The following CIT variants were observed in gnomAD, a reference collection of about 807,000 sequenced individuals.
The protein encoded by CIT is citron rho-interacting serine/threonine kinase.
Under a neutral mutation model 272.7 loss-of-function variants are expected in CIT, and 79 were observed. That is an observed-to-expected ratio of 0.29 (90% CI 0.24 to 0.35). CIT has a LOEUF of 0.35. CIT is among the 10% of genes least tolerant of loss of function. CIT has a pLI of 1.00. For missense variants in CIT, 1,909 were observed against 2,618.3 expected (o/e 0.73, Z 5.91); for synonymous variants, 948 against 995.6 (o/e 0.95, Z 0.90).
In CIT at chr12:119,784,340, CTTTTGT is replaced by C. The variant is rs1239445600; in HGVS notation, c.1402-295_1402-290del. The C allele has an allele frequency of 5.1e-6, 7 of 1,383,392 alleles. No homozygotes were observed. Among genetic ancestry groups the C allele is most frequent in the South Asian group, 2.6e-5 (2 of 78,378 alleles). The allele number at this position is 1,383,392 out of a possible 1,614,324, so 85.7% of individuals were successfully genotyped here. On this transcript the variant is annotated intron_variant, in intron 11 of 47. Transcript: ENST00000392521. The surrounding 1 kb of genome is among the most constrained non-coding windows in gnomAD (Gnocchi z 4.7). Reference sequence around the variant, plus strand: ...ACAATCATCATTTTTCACCTGTTTGCTTTTGTTTTTGTTTTGTTTTTGCAGACGTCA... The same window carrying C: ...ACAATCATCATTTTTCACCTGTTTGCTTTTGTTTTGTTTTTGCAGACGTCA...
intron 2 of CIT, among the ~76,000 whole-genome samples, chr12:119,871,078 C>T (rs2138412751): frequency 6.6e-6 from 1 of 150,586 alleles, no homozygotes; most frequent in East Asian, 2.0e-4. Flanking sequence ...GAGATCGTGC[C>T]ACTGCACTCC....
intron 44 of CIT, among the ~76,000 whole-genome samples, chr12:119,698,819 GGA>G (rs1565901028): frequency 6.6e-6 from 1 of 152,150 alleles, no homozygotes; most frequent in Non-Finnish European, 1.5e-5. Flanking sequence ...AGTACTGGAA[GGA>G]CAAGAAACTC....
intron 3 of CIT, among the ~76,000 whole-genome samples, chr12:119,866,235 C>T (rs896706343): frequency 3.3e-5 from 5 of 152,156 alleles, no homozygotes; most frequent in Non-Finnish European, 5.9e-5. Context: ...ATGCCCCAGT[C>T]CTCTTGGGAT....
At chr12:119,735,850 C>T (rs1354109759) in intron 24 of CIT, among the ~76,000 whole-genome samples, 3 of 152,084 alleles carry the variant, frequency 2.0e-5, no homozygotes, top group South Asian at 2.1e-4. Flanking sequence ...GGAGTTATTT[C>T]GATAATATCA....
At chr12:119,760,418 G>A (rs1404264771) in intron 20 of CIT, among the ~76,000 whole-genome samples, 1 of 152,070 alleles carries the variant, frequency 6.6e-6, no homozygotes, top group East Asian at 1.9e-4. Flanking sequence ...CTTGAGGCCA[G>A]AAGTTTGAGA....
chr12:119,836,928 C>CTGAATGAA (rs1969059757), intron 5 of CIT, among the ~76,000 whole-genome samples: 1 of 152,204 alleles, frequency 6.6e-6, no homozygotes, highest in Non-Finnish European at 1.5e-5. Flanking sequence ...GATCCAACTT[C>CTGAATGAA]CTGAACTGAA....
rs139059313 is a variant in CIT, at chr12:119,710,325, G to T, written c.4997C>A (p.Thr1666Asn). ...GACTGCTCCAATTCCTGGGACATGG[G>T]TTAGGGAGTTTTTCAAGACATTCAG... ...YALNVLKNSL[T>N]HVPGIGAVFQ... The change falls in exon 39 of 48, where the codon ACC (threonine) becomes AAC (asparagine). Residue 1666 changes from threonine to asparagine, a missense_variant. Physicochemically the swap from Thr to Asn is moderately conservative, Grantham distance 65 (BLOSUM62 0). This residue lies in a region of CIT where 780 missense variants were observed against 1,067.2 expected (regional missense o/e 0.73). Coordinates refer to ENST00000392521, the MANE Select transcript of CIT (RefSeq NM_001206999.2). This position sits in a 1 kb window ranked among gnomAD's most constrained non-coding sequence, Gnocchi z 5.6. 30 of 1,614,112 alleles carry T rather than the reference G, an allele frequency of 1.9e-5. No individual in the cohort carries two copies. Among genetic ancestry groups the T allele is most frequent in the Middle Eastern group, 3.3e-4 (2 of 6,084 alleles).
intron 44 of CIT, among the ~76,000 whole-genome samples, chr12:119,698,664 T>G (rs1446878343): frequency 6.6e-6 from 1 of 152,156 alleles, no homozygotes; most frequent in South Asian, 2.1e-4. Flanking sequence ...AAGGCTCTCT[T>G]TGTACAGATA....
intron 5 of CIT, among the ~76,000 whole-genome samples, chr12:119,834,674 G>A (rs922798562): frequency 6.6e-6 from 1 of 152,212 alleles, no homozygotes; most frequent in Admixed American, 6.5e-5. Context: ...TTTATAGTCA[G>A]TGTGGAAGGC....
At chr12:119,715,844 T>C (rs766840195) in intron 32 of CIT, among the ~76,000 whole-genome samples, 1 of 152,156 alleles carries the variant, frequency 6.6e-6, no homozygotes, top group Non-Finnish European at 1.5e-5. Flanking sequence ...TAAGAACATG[T>C]TACTGGTAGG....
chr12:119,846,420 G>T (rs1969807827), intron 5 of CIT, among the ~76,000 whole-genome samples: 1 of 152,200 alleles, frequency 6.6e-6, no homozygotes, highest in African/African-American at 2.4e-5. Context: ...GAGCTCTTCA[G>T]CTCAGAGAAA....
chr12:119,867,683 T>TC (rs1950553536), intron 3 of CIT, among the ~76,000 whole-genome samples: 1 of 151,472 alleles, frequency 6.6e-6, no homozygotes, highest in African/African-American at 2.4e-5. Context: ...GTAGGACCCT[T>TC]CCCCCCAAAC....
rs541783114 is a variant in CIT at position 119,728,664 on chromosome 12, C to T, written c.3487-58G>A. On this transcript the variant is annotated intron_variant, in intron 27 of 47. Transcript: ENST00000392521. This position sits in a 1 kb window ranked among gnomAD's most constrained non-coding sequence, Gnocchi z 4.3. ...ACTTAGGAATGTTAGATGCTGACAACGTTTATGAATGTCCACGAACCTTCA... is the reference window on the plus strand; with the variant it reads ...ACTTAGGAATGTTAGATGCTGACAATGTTTATGAATGTCCACGAACCTTCA... 3.4e-5 allele frequency: 39 copies of T among 1,159,092 alleles called. No individual in the cohort carries two copies. The highest frequency in any genetic ancestry group is 2.8e-4 in the African/African-American group (18 of 65,004). 71.8% of individuals were successfully genotyped at this position (1,159,092 alleles called of 1,614,324 possible).
intron 28 of CIT, among the ~76,000 whole-genome samples, chr12:119,722,723 A>T (rs1957864085): frequency 6.6e-6 from 1 of 152,170 alleles, no homozygotes; most frequent in Non-Finnish European, 1.5e-5. Context: ...AGCTTGCCTC[A>T]TTGGATGACA....
At chr12:119,801,278 A>G (rs1308861052) in intron 10 of CIT, among the ~76,000 whole-genome samples, 2 of 152,234 alleles carry the variant, frequency 1.3e-5, no homozygotes, top group Non-Finnish European at 2.9e-5. Context: ...GGAAAGGATC[A>G]TAGGTAAATT....
chr12:119,822,538 C>T (rs1358244272), intron 9 of CIT, among the ~76,000 whole-genome samples: 1 of 152,170 alleles, frequency 6.6e-6, no homozygotes, highest in African/African-American at 2.4e-5. Context: ...AAGTGACAAC[C>T]TTCAAACTCC....
At chr12:119,819,055 T>C (rs1269616809) in intron 9 of CIT, among the ~76,000 whole-genome samples, 1 of 152,094 alleles carries the variant, frequency 6.6e-6, no homozygotes, top group East Asian at 1.9e-4. Context: ...ACAGCCAGAA[T>C]CCGGCCCAGC....
At chr12:119,794,636 C>T (rs1279146150) in intron 10 of CIT, among the ~76,000 whole-genome samples, 1 of 152,170 alleles carries the variant, frequency 6.6e-6, no homozygotes, top group East Asian at 1.9e-4. Flanking sequence ...AGTGATACAT[C>T]ACAGACTCCA....
intron 26 of CIT, among the ~76,000 whole-genome samples, chr12:119,732,012 T>C (rs1030667113): frequency 6.6e-6 from 1 of 151,904 alleles, no homozygotes; most frequent in African/African-American, 2.4e-5. Context: ...ATTTTTGTAT[T>C]TTTTGTAAAG....
Sources: allele counts gnomAD v4.1 joint callset (sites outside exome capture counted in the v4.1 genomes callset), GRCh38; gene constraint gnomAD v4.1.1; regional missense constraint gnomAD v4.1.1; non-coding constraint Gnocchi (gnomAD v3.1); transcripts MANE v1.5; gene names NCBI Gene and HGNC (gene_info 2026-07-23, HGNC 2026-07-21).